The following ATP6V1H variants were observed in gnomAD, a reference collection of about 807,000 sequenced individuals.
The protein encoded by ATP6V1H is V-type proton ATPase subunit H.
ATP6V1H carries 39 observed loss-of-function variants against 71.7 expected under a neutral mutation model. The observed-to-expected ratio is 0.54, with a 90% CI of 0.42 to 0.71. The LOEUF (loss-of-function observed/expected upper bound fraction) is 0.71. Ranked by LOEUF, ATP6V1H falls within the 30% of genes least tolerant of loss-of-function variation. The pLI is 0.00. For missense variants in ATP6V1H, 509 were observed against 594.9 expected, an observed-to-expected ratio of 0.86 and a Z score of 1.50; for synonymous variants, 192 against 199.3, an observed-to-expected ratio of 0.96 and a Z score of 0.31.
intron 2 of ATP6V1H, among the ~76,000 whole-genome samples, chr8:53,837,321 C>G (rs1023719339): frequency 5.9e-5 from 9 of 152,188 alleles, no homozygotes; most frequent in African/African-American, 2.2e-4. Context: ...CTAATATTAA[C>G]TGGCAGCCTA....
chr8:53,830,531 C>T (rs1036076250), intron 3 of ATP6V1H, among the ~76,000 whole-genome samples: 2 of 151,640 alleles, frequency 1.3e-5, no homozygotes, highest in African/African-American at 4.8e-5. Flanking sequence ...AAAGTGGAAA[C>T]ACTTTAACCT....
At chr8:53,780,158 CAAAA>C (rs374742457) in intron 9 of ATP6V1H, among the ~76,000 whole-genome samples, 5 of 62,552 alleles carry the variant, frequency 8.0e-5, no homozygotes, top group Non-Finnish European at 3.3e-5. Context: ...GACTCCATCT[CAAAA>C]AAAAAAAAAA....
intron 13 of ATP6V1H, among the ~76,000 whole-genome samples, chr8:53,740,900 T>G (rs986997964): frequency 6.6e-6 from 1 of 152,206 alleles, no homozygotes; most frequent in South Asian, 2.1e-4. Flanking sequence ...CAGAAATTTA[T>G]AAGTCACAAT....
chr8:53,783,958 C>T (rs1270096440), intron 9 of ATP6V1H, among the ~76,000 whole-genome samples: 2 of 152,138 alleles, frequency 1.3e-5, no homozygotes, highest in Non-Finnish European at 2.9e-5. Flanking sequence ...TGTTTTACTT[C>T]CAACTATGTG....
At chr8:53,743,850 T>G (rs1807501935) in intron 12 of ATP6V1H, 160 bp from the exon 13 acceptor site, 1 of 569,936 alleles carries the variant, frequency 1.8e-6, no homozygotes. Flanking sequence ...GAACCATAGA[T>G]TTACAGTATT....
At chr8:53,785,808 G>T (rs1281905349) in intron 9 of ATP6V1H, among the ~76,000 whole-genome samples, 1 of 152,206 alleles carries the variant, frequency 6.6e-6, no homozygotes, top group Non-Finnish European at 1.5e-5. Context: ...GTCCACTCCT[G>T]ACCCTGTTTG....
At chr8:53,761,171 C>T (rs1563453716) in intron 11 of ATP6V1H, among the ~76,000 whole-genome samples, 1 of 151,950 alleles carries the variant, frequency 6.6e-6, no homozygotes, top group Non-Finnish European at 1.5e-5. Context: ...CCTGTCTCTA[C>T]TAAAAAATAG....
At chr8:53,796,899 G>A (rs1368035727) in intron 8 of ATP6V1H, among the ~76,000 whole-genome samples, 1 of 152,114 alleles carries the variant, frequency 6.6e-6, no homozygotes, top group Non-Finnish European at 1.5e-5. Context: ...CTTACTGAAA[G>A]GCTTTTATCT....
intron 9 of ATP6V1H, among the ~76,000 whole-genome samples, chr8:53,784,439 G>A (rs1263252069): frequency 4.6e-5 from 7 of 151,926 alleles, no homozygotes; most frequent in East Asian, 3.9e-4. Flanking sequence ...GTCTCTGCAC[G>A]TGAGATGGGT....
At chr8:53,747,236 TTA>T (rs1807633780) in intron 12 of ATP6V1H, among the ~76,000 whole-genome samples, 1 of 152,152 alleles carries the variant, frequency 6.6e-6, no homozygotes, top group African/African-American at 2.4e-5. Flanking sequence ...CTATAACATA[TTA>T]TGATTCCACT....
At chr8:53,755,702 A>G (rs866308530) in intron 12 of ATP6V1H, among the ~76,000 whole-genome samples, 7 of 2,196 alleles carry the variant, frequency 3.2e-3, no homozygotes, top group Non-Finnish European at 4.1e-3. Context: ...ATATATATAT[A>G]TATATATATA....
chr8:53,819,348 G>A (rs1253608391), intron 4 of ATP6V1H, among the ~76,000 whole-genome samples: 5 of 150,878 alleles, frequency 3.3e-5, no homozygotes, highest in African/African-American at 7.3e-5. Flanking sequence ...CCTGGCCAAC[G>A]TGGTGAAACC....
intron 12 of ATP6V1H, among the ~76,000 whole-genome samples, chr8:53,755,704 A>T (rs866589695): frequency 1.6e-3 from 4 of 2,432 alleles, no homozygotes; most frequent in African/African-American, 6.1e-3. Flanking sequence ...ATATATATAT[A>T]TATATATATA....
chr8:53,764,897 G>A lies in ATP6V1H; in HGVS notation c.1175+4721C>T, dbSNP rs1379568484. 2.6e-5 allele frequency among the ~76,000 whole-genome samples: 4 copies of A among 152,076 alleles called. No individual in the cohort carries two copies. In the East Asian group the frequency reaches 5.8e-4, roughly 22 times the overall value. On this transcript the variant is annotated intron_variant, in intron 11 of 13. Transcript: ENST00000359530. ...AGGACTGCTGTGAGGCCAGGAGTTC[G>A]AGACCAACCTGTGCAACAGAGTGAC... is the stretch of plus-strand genomic sequence containing the variant.
intron 12 of ATP6V1H, among the ~76,000 whole-genome samples, chr8:53,753,635 A>T (rs921583625): frequency 6.6e-6 from 1 of 152,320 alleles, no homozygotes; most frequent in East Asian, 1.9e-4. Flanking sequence ...ATTTTTTAGC[A>T]GCTATAAATC....
intron 8 of ATP6V1H, among the ~76,000 whole-genome samples, chr8:53,798,610 AACACACACAC>A (rs59831761): frequency 2.7e-5 from 4 of 148,446 alleles, no homozygotes; most frequent in South Asian, 2.1e-4. Flanking sequence ...CAATGTGAGA[AACACACACAC>A]ACACACACAC....
intron 11 of ATP6V1H, among the ~76,000 whole-genome samples, chr8:53,765,510 A>G (rs1808428547): frequency 6.7e-6 from 1 of 149,616 alleles, no homozygotes; most frequent in Admixed American, 6.7e-5. Context: ...CAAGACCATC[A>G]GCATTAGCAC....
At chr8:53,779,667 T>C (rs1232678454) in intron 9 of ATP6V1H, among the ~76,000 whole-genome samples, 1 of 152,006 alleles carries the variant, frequency 6.6e-6, no homozygotes, top group African/African-American at 2.4e-5. Flanking sequence ...CTCTTACTTA[T>C]AAAACTCTTC....
intron 4 of ATP6V1H, 28 bp downstream of exon 4, chr8:53,829,416 A>G: frequency 1.3e-6 from 2 of 1,510,192 alleles, no homozygotes; most frequent in Non-Finnish European, 1.8e-6. Flanking sequence ...TGAAGTCACC[A>G]AATGTGTTAA....
Sources: gnomAD v4.1 joint callset for allele counts (sites outside exome capture counted in the v4.1 genomes callset) on GRCh38, gnomAD v4.1.1 for gene constraint, MANE v1.5 for transcripts, NCBI Gene and HGNC (gene_info 2026-07-23, HGNC 2026-07-21) for gene names.